THSD4: variants seen among roughly 807,000 people sequenced by gnomAD.
THSD4 encodes thrombospondin type-1 domain-containing protein 4.
In THSD4, 69 loss-of-function variants were observed where a neutral mutation model predicts 119.0. The observed-to-expected ratio is 0.58, with a 90% CI of 0.48 to 0.71. The LOEUF is 0.71. THSD4 is among the 30% of genes least tolerant of loss of function. THSD4 has a pLI of 0.00. For synonymous variants in THSD4, 524 were observed against 540.4 expected, an observed-to-expected ratio of 0.97 and a Z score of 0.42; for missense variants, 1,393 against 1,391.1, an observed-to-expected ratio of 1.00 and a Z score of -0.02.
At chr15:71,130,686 A>G (rs1596213788) in intron 1 of THSD4, among the ~76,000 whole-genome samples, 1 of 152,198 alleles carries the variant, frequency 6.6e-6, no homozygotes, top group African/African-American at 2.4e-5. Context: ...CTTTAGAATT[A>G]GTTAATGTTT....
In THSD4 at chr15:71,541,015, G is replaced by A. The variant is rs555763292; in HGVS notation, c.1153-119515G>A. ...TGCGATTACCAGCGTGAGCCACTGC[G>A]CCCAGCCTCATTTTATTTACTTTTT... On this transcript the variant is annotated intron_variant, in intron 7 of 17. Coordinates refer to ENST00000261862, the MANE Select transcript of THSD4 (RefSeq NM_024817.3). Among the ~76,000 whole-genome samples, 20 of 152,176 alleles carry A rather than the reference G, an allele frequency of 1.3e-4. No individual in the cohort carries two copies. The South Asian group carries it at 3.5e-3, about 27-fold the overall frequency.
intron 3 of THSD4, among the ~76,000 whole-genome samples, chr15:71,200,763 T>C (rs2043797037): frequency 1.3e-5 from 2 of 152,152 alleles, no homozygotes; most frequent in Non-Finnish European, 1.5e-5. Context: ...CAATAAAGTA[T>C]ACAATTGAAA....
intron 7 of THSD4, among the ~76,000 whole-genome samples, chr15:71,540,371 C>G (rs2048742412): frequency 6.7e-6 from 1 of 150,108 alleles, no homozygotes; most frequent in African/African-American, 2.5e-5. Flanking sequence ...CTCCTGACCT[C>G]ATGATCCACC....
rs572161645 is a variant in THSD4, at chr15:71,710,540, C to G, written c.1358-18009C>G. 8.5e-5 allele frequency among the ~76,000 whole-genome samples: 13 copies of G among 152,208 alleles called. No individual in the cohort carries two copies. The South Asian group carries it at 2.1e-3, about 24-fold the overall frequency. ...TGACCCAGTGCCTCAGAAACTAGAC[C>G]CAGGTCAATTTTGGCTTATTATCTT... On this transcript the variant is annotated intron_variant, in intron 8 of 17. Coordinates refer to ENST00000261862, the MANE Select transcript of THSD4 (RefSeq NM_024817.3).
At chr15:71,415,819 C>T (rs537254420) in intron 7 of THSD4, among the ~76,000 whole-genome samples, 8 of 152,072 alleles carry the variant, frequency 5.3e-5, no homozygotes, top group Admixed American at 1.3e-4. Flanking sequence ...TTTTTTAAGA[C>T]GGAGTCTTAC....
At chr15:71,154,763 T>C (rs1555451222) in intron 2 of THSD4, 100 bp from the exon 3 acceptor site, 18 of 1,217,474 alleles carry the variant, frequency 1.5e-5, no homozygotes, top group Non-Finnish European at 1.9e-5. Context: ...GTTGGGCTGT[T>C]CCCCCCCCAT....
In THSD4 at chr15:71,561,006, G is replaced by A. The variant is rs539032469; in HGVS notation, c.1153-99524G>A. 1.0e-3 allele frequency among the ~76,000 whole-genome samples: 136 copies of A among 133,854 alleles called. 1 individual carries two copies. Among genetic ancestry groups the A allele is most frequent in the African/African-American group, 2.6e-3 (91 of 34,736 alleles). 87.8% of individuals were successfully genotyped at this position (133,854 alleles called of 152,430 possible). A position where few individuals can be genotyped will look rare whatever the true frequency, so the allele number is the denominator to read the frequency against. ...TTTTTTTTTTTTGAGATGGAGTCTC[G>A]CTGTGTCGCCCAGCCTGGAGTGCAG... On this transcript the variant is annotated intron_variant, in intron 7 of 17. Coordinates refer to ENST00000261862, the MANE Select transcript of THSD4 (RefSeq NM_024817.3).
intron 1 of THSD4, among the ~76,000 whole-genome samples, chr15:71,124,392 AGGGTCAG>A (rs1488879673): frequency 2.0e-5 from 3 of 152,244 alleles, no homozygotes; most frequent in African/African-American, 7.2e-5. Context: ...AAACAGGCAG[AGGGTCAG>A]GTTTAACCTG....
chr15:71,758,297 A>G (rs2053578348), intron 15 of THSD4, among the ~76,000 whole-genome samples: 1 of 152,374 alleles, frequency 6.6e-6, no homozygotes, highest in South Asian at 2.1e-4. Context: ...CTTGGGTTAC[A>G]TCAGTGAGCA....
intron 7 of THSD4, among the ~76,000 whole-genome samples, chr15:71,427,387 A>G (rs1566978788): frequency 1.3e-5 from 2 of 152,122 alleles, no homozygotes; most frequent in South Asian, 2.1e-4. Flanking sequence ...GCTATGAAGC[A>G]TTCAGATGCA....
At chr15:71,510,190 A>G (rs1004431697) in intron 7 of THSD4, among the ~76,000 whole-genome samples, 15 of 152,210 alleles carry the variant, frequency 9.9e-5, no homozygotes, top group African/African-American at 3.6e-4. Flanking sequence ...CGCTCAGCAC[A>G]GTGTCTAGTG....
intron 7 of THSD4, among the ~76,000 whole-genome samples, chr15:71,628,707 T>C (rs12440604): frequency 0.054 from 8,203 of 152,308 alleles, 911 homozygotes; most frequent in East Asian, 0.52. Flanking sequence ...GAATCGAATC[T>C]TGATCTTGAT....
intron 15 of THSD4, among the ~76,000 whole-genome samples, chr15:71,764,404 G>C (rs965896102): frequency 6.6e-6 from 1 of 152,226 alleles, no homozygotes; most frequent in African/African-American, 2.4e-5. Flanking sequence ...TGGCTTCTTT[G>C]TGGGGTCACT....
intron 6 of THSD4, among the ~76,000 whole-genome samples, chr15:71,345,729 G>A (rs1416354271): frequency 6.6e-6 from 1 of 151,776 alleles, no homozygotes; most frequent in African/African-American, 2.4e-5. Context: ...ATCTTTCTAA[G>A]ATGCCCCTAA....
intron 6 of THSD4, among the ~76,000 whole-genome samples, chr15:71,280,132 C>A (rs1233494169): frequency 3.9e-5 from 6 of 152,114 alleles, no homozygotes. Context: ...GAAGGGTGTT[C>A]CAGGCAGAGG....
At chr15:71,634,197 AAAAAAAG>A (rs1407751752) in intron 7 of THSD4, among the ~76,000 whole-genome samples, 105 of 151,186 alleles carry the variant, frequency 6.9e-4, no homozygotes, top group African/African-American at 2.2e-3. Context: ...CAAAAAAAAA[AAAAAAAG>A]AAAAAGAAAA....
At chr15:71,143,277 A>G (rs28545121) in intron 2 of THSD4, among the ~76,000 whole-genome samples, 1 of 152,150 alleles carries the variant, frequency 6.6e-6, no homozygotes, top group African/African-American at 2.4e-5. Context: ...GTGCTTTTTT[A>G]AAACTATAGT....
At chr15:71,493,154 G>A (rs1336861107) in intron 7 of THSD4, among the ~76,000 whole-genome samples, 1 of 152,184 alleles carries the variant, frequency 6.6e-6, no homozygotes. Context: ...TGGTATAAAA[G>A]CATGAATGCT....
chr15:71,203,845 C>T (rs1443302194), intron 3 of THSD4, among the ~76,000 whole-genome samples: 3 of 152,280 alleles, frequency 2.0e-5, no homozygotes, highest in Admixed American at 6.5e-5. Flanking sequence ...AAAATGCTTT[C>T]GGCTTGCCTT....
Sources: gnomAD v4.1 joint callset for allele counts (sites outside exome capture counted in the v4.1 genomes callset) on GRCh38, gnomAD v4.1.1 for gene constraint, MANE v1.5 for transcripts, NCBI Gene and HGNC (gene_info 2026-07-23, HGNC 2026-07-21) for gene names.